Variants in RNF180 observed in about 807,000 individuals in gnomAD.
RNF180 encodes ring finger protein 180.
A neutral mutation model predicts 59.2 loss-of-function variants in RNF180; 38 were observed. The ratio of observed to expected loss-of-function variants is 0.64; its 90% CI spans 0.50 to 0.84. The LOEUF is 0.84. RNF180 is among the 40% of genes least tolerant of loss of function. The pLI, the probability that RNF180 is intolerant of heterozygous loss-of-function variation, is 0.00. For missense variants in RNF180, 705 were observed against 700.9 expected, an observed-to-expected ratio of 1.01 and a Z score of -0.07; for synonymous variants, 262 against 240.3, an observed-to-expected ratio of 1.09 and a Z score of -0.84.
chr5:64,230,849 T>A (rs918812826), intron 5 of RNF180, among the ~76,000 whole-genome samples: 2 of 152,236 alleles, frequency 1.3e-5, no homozygotes, highest in African/African-American at 2.4e-5. Flanking sequence ...ATTTCCACAT[T>A]ATTCACTTCT....
chr5:64,367,409 A>C (rs1416311243), intron 7 of RNF180, among the ~76,000 whole-genome samples: 1 of 151,700 alleles, frequency 6.6e-6, no homozygotes, highest in Non-Finnish European at 1.5e-5. Flanking sequence ...GCAGTAAAAA[A>C]AGTTTTTAAA....
At chr5:64,258,515 G>C (rs762546124) in intron 5 of RNF180, among the ~76,000 whole-genome samples, 13 of 152,154 alleles carry the variant, frequency 8.5e-5, no homozygotes, top group Non-Finnish European at 1.8e-4. Flanking sequence ...GGTTGAGAGT[G>C]AGAGAGAATA....
intron 5 of RNF180, among the ~76,000 whole-genome samples, chr5:64,291,580 G>A (rs960121338): frequency 9.7e-5 from 14 of 144,248 alleles, no homozygotes; most frequent in African/African-American, 1.3e-4. Context: ...GCCCACCACC[G>A]CACCCGGCTA....
intron 5 of RNF180, among the ~76,000 whole-genome samples, chr5:64,270,410 G>A (rs1049102850): frequency 6.6e-6 from 1 of 152,166 alleles, no homozygotes; most frequent in African/African-American, 2.4e-5. Flanking sequence ...GCAAACCACT[G>A]CAAAATGTTC....
chr5:64,197,376 G>A (rs13355554), intron 1 of RNF180, among the ~76,000 whole-genome samples: 27,472 of 152,172 alleles, frequency 0.18, 2,644 homozygotes, highest in Middle Eastern at 0.27. Context: ...CCTTTTCAAA[G>A]AATGCGGTCA....
intron 5 of RNF180, among the ~76,000 whole-genome samples, chr5:64,224,656 C>G (rs189066624): frequency 6.6e-6 from 1 of 152,284 alleles, no homozygotes; most frequent in South Asian, 2.1e-4. Context: ...AGAGCACTGA[C>G]GTCCTCAGGC....
chr5:64,317,603 CACACACACACACACATATAT>C (rs1187184650), intron 5 of RNF180, among the ~76,000 whole-genome samples: 1 of 113,988 alleles, frequency 8.8e-6, no homozygotes, highest in Non-Finnish European at 1.7e-5. Context: ...TTTATACACA[CACACACACACACACATATAT>C]ACACACACAC....
At chr5:64,358,429 A>G (rs1746112438) in intron 7 of RNF180, among the ~76,000 whole-genome samples, 1 of 151,874 alleles carries the variant, frequency 6.6e-6, no homozygotes, top group Admixed American at 6.6e-5. Flanking sequence ...GGGAACAGTT[A>G]TGAAAGTTTT....
At chr5:64,301,304 T>G (rs1743149210) in intron 5 of RNF180, among the ~76,000 whole-genome samples, 1 of 151,790 alleles carries the variant, frequency 6.6e-6, no homozygotes, top group Non-Finnish European at 1.5e-5. Flanking sequence ...ATCCTCATAG[T>G]CATTATGAAC....
chr5:64,255,048 T>G (rs1169588045), intron 5 of RNF180, among the ~76,000 whole-genome samples: 1 of 147,258 alleles, frequency 6.8e-6, no homozygotes, highest in African/African-American at 2.4e-5. Flanking sequence ...TGAACTAACT[T>G]TCTTAAAAAC....
At position 64,286,450 on chromosome 5, in the gene RNF180, A is replaced by C. The variant is rs190865069; in HGVS notation, c.1228-38736A>C. ...AAACCCTTAACTCCAATACCCTAAC[A>C]ATACAGAAAAGGGGTATAATCATCA... On this transcript the variant is annotated intron_variant, in intron 5 of 7. Coordinates refer to ENST00000389100, the MANE Select transcript of RNF180 (RefSeq NM_001113561.2). Among the ~76,000 whole-genome samples the C allele has an allele frequency of 7.1e-4, 108 of 152,352 alleles. 1 individual carries two copies. Among genetic ancestry groups the C allele is most frequent in the Non-Finnish European group, 1.1e-3 (74 of 68,032 alleles).
chr5:64,212,045 C>G lies in RNF180; in HGVS notation c.136-20C>G, dbSNP rs1413896405. 1.5e-6 allele frequency: 2 copies of G among 1,341,190 alleles called. No individual in the cohort carries two copies. The highest frequency in any genetic ancestry group is 2.1e-6 in the Non-Finnish European group (2 of 937,452). 83.1% of individuals were successfully genotyped at this position (1,341,190 alleles called of 1,614,324 possible). A position where few individuals can be genotyped will look rare whatever the true frequency, so the allele number is the denominator to read the frequency against. ...ATTCTGAACTGGTAATTAGTAATAT[C>G]ATTTATTTTTATTTAACAGGATAAA... On this transcript the variant is annotated intron_variant, in intron 2 of 7. Transcript: ENST00000389100.
intron 5 of RNF180, among the ~76,000 whole-genome samples, chr5:64,244,776 A>G (rs996856813): frequency 6.6e-6 from 1 of 152,178 alleles, no homozygotes; most frequent in Non-Finnish European, 1.5e-5. Flanking sequence ...CAACCCCAAG[A>G]CACATAATCC....
intron 5 of RNF180, among the ~76,000 whole-genome samples, chr5:64,288,173 G>A (rs1742387412): frequency 6.6e-6 from 1 of 152,246 alleles, no homozygotes; most frequent in African/African-American, 2.4e-5. Context: ...TTTCCCCATT[G>A]TTTGTTTTTG....
chr5:64,298,611 A>C (rs1033288143), intron 5 of RNF180, among the ~76,000 whole-genome samples: 1 of 151,972 alleles, frequency 6.6e-6, no homozygotes, highest in African/African-American at 2.4e-5. Flanking sequence ...CTCCTCCTTC[A>C]CTTCATGTGT....
At chr5:64,269,681 G>A (rs1744896569) in intron 5 of RNF180, among the ~76,000 whole-genome samples, 1 of 152,178 alleles carries the variant, frequency 6.6e-6, no homozygotes, top group Non-Finnish European at 1.5e-5. Flanking sequence ...CATGGCTTTG[G>A]AAATTGTGAT....
intron 7 of RNF180, among the ~76,000 whole-genome samples, chr5:64,367,546 G>A (rs1054794081): frequency 5.9e-5 from 9 of 151,540 alleles, no homozygotes; most frequent in Non-Finnish European, 1.2e-4. Context: ...TAAATTTCAT[G>A]TTTTGAACCT....
intron 5 of RNF180, among the ~76,000 whole-genome samples, chr5:64,259,265 C>G (rs532707622): frequency 6.6e-6 from 1 of 151,986 alleles, no homozygotes; most frequent in African/African-American, 2.4e-5. Flanking sequence ...CTGAGAATCC[C>G]GACAGTAAGG....
intron 1 of RNF180, among the ~76,000 whole-genome samples, chr5:64,188,884 A>G (rs1044271349): frequency 3.3e-5 from 5 of 152,178 alleles, no homozygotes; most frequent in African/African-American, 1.2e-4. Flanking sequence ...TTCATATGTT[A>G]AAGCCTTAAC....
Sources: allele counts gnomAD v4.1 joint callset (sites outside exome capture counted in the v4.1 genomes callset), GRCh38; gene constraint gnomAD v4.1.1; transcripts MANE v1.5; gene names NCBI Gene and HGNC (gene_info 2026-07-23, HGNC 2026-07-21).